CPEB1: variants seen among roughly 807,000 people sequenced by gnomAD.
The protein encoded by CPEB1 is cytoplasmic polyadenylation element binding protein 1.
A neutral mutation model predicts 65.8 loss-of-function variants in CPEB1; 7 were observed. The observed-to-expected ratio is 0.11, with a 90% confidence interval of 0.06 to 0.20. The LOEUF (loss-of-function observed/expected upper bound fraction) is 0.20. CPEB1 is among the 10% of genes least tolerant of loss of function. The pLI is 1.00. For missense variants in CPEB1, 551 were observed against 712.2 expected (o/e 0.77, Z 2.58); for synonymous variants, 262 against 260.0 (o/e 1.01, Z -0.08).
At chr15:82,605,489 G>T (rs1567216061) in intron 3 of CPEB1, among the ~76,000 whole-genome samples, 1 of 152,064 alleles carries the variant, frequency 6.6e-6, no homozygotes, top group East Asian at 1.9e-4. Flanking sequence ...AACTATAGTT[G>T]TATAGTTGTA....
chr15:82,557,527 G>A, intron 5 of CPEB1: 1 of 464,812 alleles, frequency 2.2e-6, no homozygotes, highest in Non-Finnish European at 3.8e-6. Flanking sequence ...TAAAATGAGA[G>A]TCCTGAGCTC....
chr15:82,626,099 G>A (rs182636905), intron 3 of CPEB1, among the ~76,000 whole-genome samples: 3 of 148,204 alleles, frequency 2.0e-5, no homozygotes, highest in East Asian at 2.1e-4. Flanking sequence ...CAACCTGGGC[G>A]AAAGAGCTAG....
intron 3 of CPEB1, among the ~76,000 whole-genome samples, chr15:82,586,079 A>G (rs1271297672): frequency 6.6e-6 from 1 of 152,212 alleles, no homozygotes; most frequent in Non-Finnish European, 1.5e-5. Flanking sequence ...GGTGCTAGGA[A>G]GGAAACAGAC....
At chr15:82,573,148 T>C (rs754760264) in intron 3 of CPEB1, 1 of 1,535,226 alleles carries the variant, frequency 6.5e-7, no homozygotes, top group South Asian at 1.2e-5. Context: ...GAAATAGCTG[T>C]TCAGAACTTC....
intron 4 of CPEB1, among the ~76,000 whole-genome samples, chr15:82,558,663 G>A (rs931502427): frequency 6.6e-6 from 1 of 152,180 alleles, no homozygotes; most frequent in Non-Finnish European, 1.5e-5. Flanking sequence ...AGCTCACTTA[G>A]CTTCTCTGAC....
At chr15:82,648,188 G>A (rs587610067), upstream of CPEB1, 3 of 313,518 alleles carry the variant, frequency 9.6e-6, no homozygotes, top group South Asian at 3.2e-4. Context: ...CCCCCTGGGG[G>A]GCCAGAGACC....
intron 3 of CPEB1, among the ~76,000 whole-genome samples, chr15:82,615,100 C>A (rs2044586679): frequency 6.6e-6 from 1 of 151,864 alleles, no homozygotes; most frequent in South Asian, 2.1e-4. Context: ...AAGCCAAGGT[C>A]ACAGCAAGTA....
In CPEB1 at chr15:82,555,211, G is replaced by A. The variant is rs545035374; in HGVS notation, c.940+659C>T. On this transcript the variant is annotated intron_variant, in intron 6 of 12. Transcript: ENST00000684509. ...AAACCTTTTAAAATATATAGAGATG[G>A]GGTCTTGCTATGTTTCCCAGGCTGG... Among the ~76,000 whole-genome samples, 147 of 152,332 alleles carry A rather than the reference G, an allele frequency of 9.6e-4. 1 individual carries two copies. Among genetic ancestry groups the A allele is most frequent in the Non-Finnish European group, 1.6e-3 (109 of 68,036 alleles).
intron 1 of CPEB1, chr15:82,629,774 A>G: frequency 3.0e-6 from 3 of 985,444 alleles, no homozygotes; most frequent in Non-Finnish European, 3.6e-6. Flanking sequence ...AAACAAGAAG[A>G]GGCCCAATGT....
intron 3 of CPEB1, among the ~76,000 whole-genome samples, chr15:82,622,730 G>T (rs2045417656): frequency 6.6e-6 from 1 of 152,120 alleles, no homozygotes; most frequent in African/African-American, 2.4e-5. Context: ...TTCAGTCAGG[G>T]ATAGACAGCA....
chr15:82,576,851 C>T (rs951411371), intron 3 of CPEB1, among the ~76,000 whole-genome samples: 13 of 152,004 alleles, frequency 8.6e-5, no homozygotes, highest in African/African-American at 1.9e-4. Context: ...GGCAAAACCC[C>T]GTCTGTAATA....
In CPEB1 at chr15:82,553,883, G is replaced by C; in HGVS notation, c.1049C>G (p.Thr350Arg). Residue 350 changes from threonine to arginine, a missense_variant, in exon 7 of 13, where the codon ACA becomes AGA. Physicochemically the swap from Thr to Arg is moderately conservative, Grantham distance 71 (BLOSUM62 -1). This residue lies in a region of CPEB1 where 99 missense variants were observed against 161.3 expected (regional missense o/e 0.61). Coordinates refer to ENST00000684509, the MANE Select transcript of CPEB1 (RefSeq NM_001365242.1). ...AGGTCTTAGAGACAGCTCACCTTCT[G>C]TAATATCCCAAGGAACACCTCCTAG... ...VFLGGVPWDI[T>R]EAGLVNTFRV... The C allele has an allele frequency of 6.3e-7, 1 of 1,599,952 alleles. No homozygotes were observed. The highest frequency in any genetic ancestry group is 8.6e-7 in the Non-Finnish European group (1 of 1,167,840).
intron 3 of CPEB1, among the ~76,000 whole-genome samples, chr15:82,600,376 T>A (rs1226589832): frequency 6.6e-6 from 1 of 151,810 alleles, no homozygotes; most frequent in Non-Finnish European, 1.5e-5. Flanking sequence ...AGACTCACAA[T>A]AAAAATATTC....
chr15:82,611,604 A>G (rs1312321366), intron 3 of CPEB1, among the ~76,000 whole-genome samples: 1 of 152,008 alleles, frequency 6.6e-6, no homozygotes, highest in Non-Finnish European at 1.5e-5. Flanking sequence ...AAAAAAATAA[A>G]AATAAAAATT....
intron 3 of CPEB1, among the ~76,000 whole-genome samples, chr15:82,597,070 T>A (rs1378438888): frequency 1.3e-5 from 2 of 152,188 alleles, no homozygotes; most frequent in Non-Finnish European, 2.9e-5. Context: ...ACGCCTGTAA[T>A]CCCAGTGCTT....
At position 82,627,345 on chromosome 15, in the gene CPEB1, T is replaced by G. The variant is rs1194262152; in HGVS notation, c.119A>C (p.Lys40Thr). 6.2e-7 allele frequency: 1 copy of G among 1,612,672 alleles called. No homozygotes were observed. The highest frequency in any genetic ancestry group is 1.3e-5 in the African/African-American group (1 of 74,886). ...TGCTTCCTGGTTGTCCCAGCAATCT[T>G]TTATCCTTCCTGCTTCTTCTTCCTA... ...IPLEEEAGRI[K>T]DCWDNQEAPA... The change falls in exon 3 of 13, where the codon AAA (lysine) becomes ACA (threonine). Residue 40 changes from lysine to threonine, a missense_variant. By Grantham distance (78) the Lys-to-Thr change is moderately conservative. This residue lies in a region of CPEB1 where 223 missense variants were observed against 228.6 expected (regional missense o/e 0.98). Coordinates refer to ENST00000684509, the MANE Select transcript of CPEB1 (RefSeq NM_001365242.1).
chr15:82,561,644 C>T (rs1385861879), intron 4 of CPEB1, among the ~76,000 whole-genome samples: 2 of 152,276 alleles, frequency 1.3e-5, no homozygotes, highest in South Asian at 2.1e-4. Context: ...GACCCCTTTC[C>T]TCATTCACAT....
chr15:82,648,143 CCGGCGGGGACT>C, upstream of CPEB1: 1 of 350,608 alleles, frequency 2.9e-6, no homozygotes, highest in Non-Finnish European at 5.1e-6. Context: ...CACCCGGAAC[CCGGCGGGGACT>C]GCCGCCGCTG....
At chr15:82,571,966 G>T in intron 3 of CPEB1, 1 of 609,150 alleles carries the variant, frequency 1.6e-6, no homozygotes, top group Non-Finnish European at 2.1e-6. Context: ...TTAAGTCTGG[G>T]TTGCAAGGCA....
Sources: allele counts gnomAD v4.1 joint callset (sites outside exome capture counted in the v4.1 genomes callset), GRCh38; gene constraint gnomAD v4.1.1; regional missense constraint gnomAD v4.1.1; transcripts MANE v1.5; gene names NCBI Gene and HGNC (gene_info 2026-07-23, HGNC 2026-07-21).